Variants in DBH observed in about 807,000 individuals in gnomAD.
DBH encodes the protein dopamine beta-hydroxylase (dopamine beta-monooxygenase).
DBH carries 49 observed loss-of-function variants against 64.0 expected under a neutral mutation model. That is an observed-to-expected ratio of 0.77 (90% CI 0.61 to 0.97). DBH has a LOEUF of 0.97. Among genes scored for constraint, DBH ranks in the 50% least tolerant of loss-of-function variants. The pLI is 0.00. For missense variants in DBH, 828 were observed against 826.6 expected (o/e 1.00, Z -0.02); for synonymous variants, 343 against 347.1 (o/e 0.99, Z 0.13).
chr9:133,658,251 C>A (rs972162424), intron 11 of DBH, 65 bp from the exon 12 acceptor site: 2 of 1,598,764 alleles, frequency 1.3e-6, no homozygotes, highest in Non-Finnish European at 1.7e-6. Flanking sequence ...TGGGAAGTGG[C>A]TGGGGAAGCA....
intron 5 of DBH, among the ~76,000 whole-genome samples, chr9:133,645,941 A>G (rs1588349455): frequency 6.6e-6 from 1 of 152,326 alleles, no homozygotes; most frequent in Non-Finnish European, 1.5e-5. Flanking sequence ...CACCCAGGGA[A>G]GATGTTAGTA....
intron 5 of DBH, among the ~76,000 whole-genome samples, chr9:133,645,674 G>A (rs1391805673): frequency 6.6e-6 from 1 of 152,174 alleles, no homozygotes; most frequent in African/African-American, 2.4e-5. Context: ...GAAGAAGGCA[G>A]AGGCAAGAGG....
At position 133,636,379 on chromosome 9, in the gene DBH, C is replaced by T; in HGVS notation, c.8C>T (p.Ala3Val). The change falls in exon 1 of 12, where the codon GCC becomes GTC. Residue 3 changes from alanine (A) to valine (V), a missense_variant. By Grantham distance (64) the Ala-to-Val change is moderately conservative. Coordinates refer to ENST00000393056, the MANE Select transcript of DBH (RefSeq NM_000787.4). Reference protein sequence around the residue: MPALSRWASLPGP... With the variant: MPVLSRWASLPGP... ...AGAGAGCTCACCCCAGCCATGCCCG[C>T]CCTCAGTCGCTGGGCCAGCCTGCCC... The T allele has an allele frequency of 1.2e-6, 2 of 1,609,174 alleles. No homozygotes were observed. The highest frequency in any genetic ancestry group is 1.7e-6 in the Non-Finnish European group (2 of 1,179,948).
chr9:133,657,587 A>G lies in DBH; in HGVS notation c.1722+358A>G, dbSNP rs149560504. Among the ~76,000 whole-genome samples, 761 of 152,308 alleles carry G rather than the reference A, an allele frequency of 5.0e-3. 9 individuals are homozygous for G. The highest frequency in any genetic ancestry group is 0.017 in the African/African-American group (718 of 41,566). Reference sequence around the variant, plus strand: ...GCACCCTCTCTGGTGACACCTCCACACTGTACCGAATGCCAAATGCAGGTG... The same window carrying G: ...GCACCCTCTCTGGTGACACCTCCACGCTGTACCGAATGCCAAATGCAGGTG... On this transcript the variant is annotated intron_variant, in intron 11 of 11. Transcript: ENST00000393056.
intron 6 of DBH, among the ~76,000 whole-genome samples, chr9:133,648,237 C>T (rs1373259911): frequency 6.6e-6 from 1 of 152,202 alleles, no homozygotes; most frequent in Non-Finnish European, 1.5e-5. Flanking sequence ...ATGGCTCCCA[C>T]TAGTCCACAC....
chr9:133,656,656 G>A lies in DBH; in HGVS notation c.1562+6G>A. 3.1e-6 allele frequency: 5 copies of A among 1,611,512 alleles called. No homozygotes were observed. The highest frequency in any genetic ancestry group is 4.2e-6 in the Non-Finnish European group (5 of 1,179,952). ...TACTTCCACCTCATCAACAGGTGAG[G>A]GCTCCCTGCACAAGCTCCCTGCCCC... On this transcript the variant is annotated splice_donor_region_variant and intron_variant, in intron 10 of 11. Transcript: ENST00000393056.
In DBH at chr9:133,652,980, A is replaced by G; in HGVS notation, c.1415A>G (p.Asp472Gly). The stretch of plus-strand genomic sequence containing the variant: ...ACCTCCTGCACGTACAACACAGAAG[A>G]CCGGGAGCTGGCCACAGTGGTAAGT... Reference protein sequence around the residue: ...LITSCTYNTEDRELATVGGFG... With the variant: ...LITSCTYNTEGRELATVGGFG... The change falls in exon 9 of 12, where the codon GAC (aspartate) becomes GGC (glycine). Residue 472 changes from aspartate (D) to glycine (G), a missense_variant. Coordinates refer to ENST00000393056, the MANE Select transcript of DBH (RefSeq NM_000787.4). 1 of 1,613,372 alleles carries G rather than the reference A, an allele frequency of 6.2e-7. No individual in the cohort carries two copies. The highest frequency in any genetic ancestry group is 8.5e-7 in the Non-Finnish European group (1 of 1,179,660).
chr9:133,656,494 G>A lies in DBH; in HGVS notation c.1435-29G>A, dbSNP rs201401521. On this transcript the variant is annotated intron_variant, in intron 9 of 11. Coordinates refer to ENST00000393056, the MANE Select transcript of DBH (RefSeq NM_000787.4). ...TGGCAGCGTCTGCGTGGCATGGCCC[G>A]GGGCTGACGGGTCTCCTCCAACTTG... The A allele has an allele frequency of 2.7e-5, 43 of 1,613,210 alleles. No homozygotes were observed. The East Asian group carries it at 4.0e-4, about 15-fold the overall frequency.
Position 133,652,843 on chromosome 9 carries a change from G to GTGGCA in DBH, c.1375-94_1375-90dup, listed in dbSNP as rs1033303499. The GTGGCA allele has an allele frequency of 2.7e-4, 222 of 831,616 alleles. 1 individual carries two copies. Among genetic ancestry groups the GTGGCA allele is most frequent in the Non-Finnish European group, 1.1e-4 (53 of 474,736 alleles). The allele number at this position is 831,616 out of a possible 1,614,324, so 51.5% of individuals were successfully genotyped here. A position where few individuals can be genotyped will look rare whatever the true frequency, so the allele number is the denominator to read the frequency against. The stretch of plus-strand genomic sequence containing the variant: ...ACAGGGACTGTACCCCAGAGGTGCC[G>GTGGCA]TGGCATGCACAGTGGCGTGGTCCTA... On this transcript the variant is annotated intron_variant, in intron 8 of 11. Transcript: ENST00000393056.
At position 133,642,220 on chromosome 9, in the gene DBH, A is replaced by G. The variant is rs1349961814; in HGVS notation, c.500A>G (p.His167Arg). Residue 167 changes from histidine to arginine, a missense_variant, in exon 3 of 12, where the codon CAC becomes CGC. Physicochemically the swap from His to Arg is conservative, Grantham distance 29. Transcript: ENST00000393056. ...TCTCGGCTGCAGGACGGCACTGTCC[A>G]CTTGGTCTACGGGATCCTGGAGGAG... is the stretch of plus-strand genomic sequence containing the variant. The part of the protein sequence containing the change: ...KDYLIEDGTV[H>R]LVYGILEEPF... The G allele has an allele frequency of 2.5e-6, 4 of 1,613,432 alleles. No homozygotes were observed. Among genetic ancestry groups the G allele is most frequent in the Admixed American group, 1.7e-5 (1 of 60,022 alleles).
At position 133,643,382 on chromosome 9, in the gene DBH, T is replaced by C; in HGVS notation, c.745-31T>C. 6.2e-7 allele frequency: 1 copy of C among 1,612,274 alleles called. No homozygotes were observed. Among genetic ancestry groups the C allele is most frequent in the Non-Finnish European group, 8.5e-7 (1 of 1,179,520 alleles). The stretch of plus-strand genomic sequence containing the variant: ...TGGGGAGGGGAGGGTGGGCGGCCGG[T>C]TCCCGGGCTCAGAGGGCTGCCTCCT... On this transcript the variant is annotated intron_variant, in intron 3 of 11. Transcript: ENST00000393056. The surrounding 1 kb of genome is among the most constrained non-coding windows in gnomAD (Gnocchi z 5.3).
At chr9:133,639,720 C>A in intron 1 of DBH, 126 bp from the exon 2 acceptor site, 2 of 1,038,498 alleles carry the variant, frequency 1.9e-6, no homozygotes, top group Admixed American at 2.0e-5. Context: ...TCCACAGGGA[C>A]TGAGGCCCAG....
Position 133,652,860 on chromosome 9 carries a change from G to A in DBH, c.1375-80G>A, listed in dbSNP as rs3025429. 7.7e-3 allele frequency: 7,344 copies of A among 948,972 alleles called. 329 individuals carry two copies. In the African/African-American group the frequency reaches 0.097, roughly 13 times the overall value. 58.8% of individuals were successfully genotyped at this position (948,972 alleles called of 1,614,324 possible). A position where few individuals can be genotyped will look rare whatever the true frequency, so the allele number is the denominator to read the frequency against. Reference sequence around the variant, plus strand: ...GAGGTGCCGTGGCATGCACAGTGGCGTGGTCCTATGGGGGCGAGGCCTCCA... The same window carrying A: ...GAGGTGCCGTGGCATGCACAGTGGCATGGTCCTATGGGGGCGAGGCCTCCA... On this transcript the variant is annotated intron_variant, in intron 8 of 11. Transcript: ENST00000393056.
chr9:133,658,645 G>A lies in DBH; in HGVS notation c.*198G>A, dbSNP rs1832368765. ...CCCCTGCATGGCTGAGAGGGTGTGG[G>A]TGCCCTGTTGACCTACCCTGGACCG... On this transcript the variant is annotated 3_prime_UTR_variant, in exon 12 of 12. Coordinates refer to ENST00000393056, the MANE Select transcript of DBH (RefSeq NM_000787.4). 3 of 611,564 alleles carry A rather than the reference G, an allele frequency of 4.9e-6. No individual in the cohort carries two copies. Among genetic ancestry groups the A allele is most frequent in the South Asian group, 2.6e-5 (1 of 38,246 alleles). The allele number at this position is 611,564 out of a possible 1,614,324, so 37.9% of individuals were successfully genotyped here. A position where few individuals can be genotyped will look rare whatever the true frequency, so the allele number is the denominator to read the frequency against.
chr9:133,638,924 G>T (rs111725975), intron 1 of DBH, among the ~76,000 whole-genome samples: 17 of 152,282 alleles, frequency 1.1e-4, no homozygotes, highest in African/African-American at 2.9e-4. Flanking sequence ...GCCCCTTAGG[G>T]CCCAGTGCAA....
intron 1 of DBH, among the ~76,000 whole-genome samples, chr9:133,637,833 A>C (rs926393943): frequency 6.6e-6 from 1 of 152,286 alleles, no homozygotes; most frequent in South Asian, 2.1e-4. Flanking sequence ...GGGTGAGTGG[A>C]GCTGCCTGGG....
intron 1 of DBH, among the ~76,000 whole-genome samples, chr9:133,638,112 AGG>A (rs1832073919): frequency 6.6e-6 from 1 of 152,252 alleles, no homozygotes; most frequent in African/African-American, 2.4e-5. Flanking sequence ...AGAGGAAGCC[AGG>A]TGACTTTGCC....
At chr9:133,644,167 C>T in intron 4 of DBH, 51 bp from the exon 5 acceptor site, 2 of 1,434,068 alleles carry the variant, frequency 1.4e-6, no homozygotes, top group African/African-American at 2.8e-5. Flanking sequence ...CTGCCCAGAC[C>T]TGGGGCCCTC....
intron 5 of DBH, among the ~76,000 whole-genome samples, chr9:133,647,572 A>G (rs1165075789): frequency 1.3e-5 from 2 of 152,216 alleles, no homozygotes; most frequent in African/African-American, 4.8e-5. Flanking sequence ...ATCTTTCCAT[A>G]GCATTCAACT....
Sources: gnomAD v4.1 joint callset for allele counts (sites outside exome capture counted in the v4.1 genomes callset) on GRCh38, gnomAD v4.1.1 for gene constraint, Gnocchi (gnomAD v3.1) non-coding constraint, MANE v1.5 for transcripts, NCBI Gene and HGNC (gene_info 2026-07-23, HGNC 2026-07-21) for gene names.